TIMM23: variants seen among roughly 807,000 people sequenced by gnomAD.
TIMM23 encodes the protein translocase of inner mitochondrial membrane 23.
TIMM23 carries 19 observed loss-of-function variants against 30.7 expected under a neutral mutation model. The ratio of observed to expected loss-of-function variants is 0.62; its 90% CI spans 0.43 to 0.91. The LOEUF is 0.91. Ranked by LOEUF, TIMM23 falls within the 40% of genes least tolerant of loss-of-function variation. The pLI, the probability that TIMM23 is intolerant of heterozygous loss-of-function variation, is 0.00. For missense variants in TIMM23, 202 were observed against 269.2 expected, an observed-to-expected ratio of 0.75 and a Z score of 1.75; for synonymous variants, 78 against 98.5, an observed-to-expected ratio of 0.79 and a Z score of 1.23.
rs1234422989 is a variant in TIMM23 at position 45,980,719 on chromosome 10, C to T, written c.166-1804C>T. On this transcript the variant is annotated intron_variant, in intron 2 of 6. Coordinates refer to ENST00000580018, the MANE Select transcript of TIMM23 (RefSeq NM_006327.4). ...TAATACTAGTGTCCTGGAGTGTCAG[C>T]AGAACAGGTTTAACAAGAGGTTTTT... 2.0e-3 allele frequency among the ~76,000 whole-genome samples: 301 copies of T among 152,182 alleles called. 3 individuals carry two copies. Among genetic ancestry groups the T allele is most frequent in the East Asian group, 0.019 (97 of 5,180 alleles).
intron 6 of TIMM23, among the ~76,000 whole-genome samples, chr10:45,996,005 C>G (rs1341808334): frequency 1.3e-5 from 2 of 149,858 alleles, no homozygotes; most frequent in African/African-American, 2.6e-5. Context: ...ACCAACCTAA[C>G]AAAAAATGCT....
At chr10:45,981,913 TCA>T (rs2132253781) in intron 2 of TIMM23, among the ~76,000 whole-genome samples, 1 of 152,336 alleles carries the variant, frequency 6.6e-6, no homozygotes, top group East Asian at 1.9e-4. Context: ...GTGTCATTTC[TCA>T]GTCTTAGTAT....
chr10:45,975,959 G>A (rs1333382811), intron 2 of TIMM23, among the ~76,000 whole-genome samples: 6 of 152,050 alleles, frequency 3.9e-5, no homozygotes, highest in African/African-American at 1.2e-4. Context: ...CCACCACCAC[G>A]CCTGGCTAAT....
intron 6 of TIMM23, among the ~76,000 whole-genome samples, chr10:46,000,171 A>G (rs1184182017): frequency 1.3e-5 from 2 of 152,216 alleles, no homozygotes; most frequent in Non-Finnish European, 2.9e-5. Context: ...TGACAGGATT[A>G]AGAGATTAAG....
intron 6 of TIMM23, among the ~76,000 whole-genome samples, chr10:45,991,814 G>C (rs1838171933): frequency 6.6e-6 from 1 of 152,034 alleles, no homozygotes; most frequent in African/African-American, 2.4e-5. Context: ...ACTGTTTGCT[G>C]TTTGGTGGTT....
At chr10:46,002,785 TA>T (rs1838585543) in intron 6 of TIMM23, among the ~76,000 whole-genome samples, 1 of 151,170 alleles carries the variant, frequency 6.6e-6, no homozygotes, top group Non-Finnish European at 1.5e-5. Flanking sequence ...GATTTATTTT[TA>T]AAATGGTCTC....
At chr10:45,983,132 T>A (rs1412570112) in intron 4 of TIMM23, among the ~76,000 whole-genome samples, 2 of 152,394 alleles carry the variant, frequency 1.3e-5, no homozygotes, top group South Asian at 2.1e-4. Flanking sequence ...GTGATTTTTT[T>A]AATCAGTGTC....
intron 5 of TIMM23, 145 bp from the exon 6 acceptor site, chr10:45,988,592 T>TA (rs1838067208): frequency 7.7e-6 from 5 of 651,752 alleles, no homozygotes; most frequent in South Asian, 1.7e-5. Context: ...CAAGGACAAA[T>TA]ACCTTAACAA....
intron 6 of TIMM23, among the ~76,000 whole-genome samples, chr10:45,994,864 A>G (rs1207269954): frequency 3.3e-5 from 5 of 152,182 alleles, no homozygotes; most frequent in African/African-American, 1.2e-4. Context: ...TAGAGTGCCT[A>G]AGGTCATTTC....
chr10:46,002,989 A>AT (rs1483386231), intron 6 of TIMM23, among the ~76,000 whole-genome samples: 23 of 151,420 alleles, frequency 1.5e-4, no homozygotes, highest in African/African-American at 5.1e-4. Context: ...CACCCAGCCA[A>AT]TTTTTTTGAA....
intron 6 of TIMM23, among the ~76,000 whole-genome samples, chr10:46,001,309 C>A (rs1554917651): frequency 6.6e-6 from 1 of 152,138 alleles, no homozygotes; most frequent in Non-Finnish European, 1.5e-5. Flanking sequence ...TCATGTTATA[C>A]TTTTAGTGGG....
At chr10:45,986,804 CGTGT>C (rs1161990914) in intron 5 of TIMM23, among the ~76,000 whole-genome samples, 66 of 149,496 alleles carry the variant, frequency 4.4e-4, no homozygotes, top group Middle Eastern at 3.5e-3. Context: ...ACTAGAAATA[CGTGT>C]GTGTGTGTGT....
intron 6 of TIMM23, among the ~76,000 whole-genome samples, chr10:45,993,244 C>T (rs1377838487): frequency 7.1e-4 from 51 of 72,034 alleles, no homozygotes; most frequent in South Asian, 1.0e-3. Flanking sequence ...TCTACCATCA[C>T]TTTTTTTTTT....
intron 1 of TIMM23, 105 bp downstream of exon 1, chr10:45,972,835 A>G (rs1554912094): frequency 7.1e-6 from 11 of 1,542,510 alleles, no homozygotes; most frequent in South Asian, 4.8e-5. Flanking sequence ...CCTTGCTGGC[A>G]TTTACAAGCT....
chr10:45,985,290 G>C (rs1191541688), intron 4 of TIMM23, 93 bp from the exon 5 acceptor site: 1 of 1,496,610 alleles, frequency 6.7e-7, no homozygotes, highest in Non-Finnish European at 9.3e-7. Flanking sequence ...TGCGCCCTGG[G>C]TCTAGACATG....
intron 6 of TIMM23, among the ~76,000 whole-genome samples, chr10:46,002,192 T>G (rs1337688781): frequency 1.3e-5 from 2 of 152,072 alleles, no homozygotes; most frequent in Non-Finnish European, 2.9e-5. Flanking sequence ...TTACCACATT[T>G]TTTTTTTCTT....
chr10:45,996,032 AAT>A lies in TIMM23; in HGVS notation c.515-7167_515-7166del, dbSNP rs1369615644. 1.8e-3 allele frequency among the ~76,000 whole-genome samples: 271 copies of A among 149,824 alleles called. 4 individuals are homozygous for A. The highest frequency in any genetic ancestry group is 8.7e-3 in the East Asian group (45 of 5,188). On this transcript the variant is annotated intron_variant, in intron 6 of 6. Transcript: ENST00000580018. ...AAAAATGCTGCCTTTCGGAGGCAAGAATATAGAACATGTGTAGTTAATTAAGC... is the reference window on the plus strand; with the variant it reads ...AAAAATGCTGCCTTTCGGAGGCAAGAATAGAACATGTGTAGTTAATTAAGC...
At chr10:45,989,180 T>G (rs1366163541) in intron 6 of TIMM23, among the ~76,000 whole-genome samples, 2 of 152,224 alleles carry the variant, frequency 1.3e-5, no homozygotes, top group Non-Finnish European at 2.9e-5. Flanking sequence ...ACACTTTCTG[T>G]CTCTGAATTG....
chr10:45,980,722 A>G (rs10909662), intron 2 of TIMM23, among the ~76,000 whole-genome samples: 27 of 152,196 alleles, frequency 1.8e-4, no homozygotes, highest in African/African-American at 5.8e-4. Context: ...GTGTCAGCAG[A>G]ACAGGTTTAA....
Sources: allele counts gnomAD v4.1 joint callset (sites outside exome capture counted in the v4.1 genomes callset), GRCh38; gene constraint gnomAD v4.1.1; transcripts MANE v1.5; gene names NCBI Gene and HGNC (gene_info 2026-07-23, HGNC 2026-07-21).